Variants in IGSF22 observed in about 807,000 individuals in gnomAD.
IGSF22 encodes immunoglobulin superfamily, member 22.
IGSF22 carries 119 observed loss-of-function variants against 127.0 expected under a neutral mutation model. The ratio of observed to expected loss-of-function variants is 0.94; its 90% CI spans 0.81 to 1.09. The LOEUF is 1.09. Among genes scored for constraint, IGSF22 ranks in the 50% least tolerant of loss-of-function variants. The pLI, the probability that IGSF22 is intolerant of heterozygous loss-of-function variation, is 0.00. For synonymous variants in IGSF22, 568 were observed against 664.7 expected (o/e 0.85, Z 2.24); for missense variants, 1,518 against 1,716.6 (o/e 0.88, Z 2.04).
rs752180737 is a variant in IGSF22 at position 18,718,697 on chromosome 11, T to C, written c.728A>G (p.Lys243Arg). The C allele has an allele frequency of 3.7e-6, 6 of 1,613,092 alleles. No individual in the cohort carries two copies. Among genetic ancestry groups the C allele is most frequent in the East Asian group, 2.2e-5 (1 of 44,874 alleles). ...CACTGTGGTGTCAACCTTGGTCTCT[T>C]TGTCTTCCAGGGGCTTCAGAATCCG... The part of the protein sequence containing the change: ...AIRILKPLED[K>R]ETKVDTTVVF... Residue 243 changes from lysine (K) to arginine (R), a missense_variant, in exon 8 of 23, where the codon AAA (lysine) becomes AGA (arginine). Transcript: ENST00000513874.
Position 18,706,851 on chromosome 11 carries a change from C to G in IGSF22, c.3580+63G>C, listed in dbSNP as rs1590434140. ...TTGCCTCTTGGGTACCCTTTGGGAC[C>G]CTTATGTCATCCCCACCATCAGGGC... On this transcript the variant is annotated intron_variant, in intron 21 of 22. Coordinates refer to ENST00000513874, the MANE Select transcript of IGSF22 (RefSeq NM_173588.4). The G allele has an allele frequency of 2.3e-6, 3 of 1,321,980 alleles. No individual in the cohort carries two copies. In the East Asian group the frequency reaches 7.7e-5, roughly 34 times the overall value. The allele number at this position is 1,321,980 out of a possible 1,614,324, so 81.9% of individuals were successfully genotyped here.
chr11:18,724,100 A>T, intron 2 of IGSF22, 28 bp downstream of exon 2: 1 of 1,573,178 alleles, frequency 6.4e-7, no homozygotes, highest in South Asian at 1.1e-5. Flanking sequence ...GCCCTTCCCG[A>T]TCCCTTCCCT....
At position 18,721,782 on chromosome 11, in the gene IGSF22, G is replaced by A. The variant is rs1848578897; in HGVS notation, c.242-111C>T. The A allele has an allele frequency of 2.5e-6, 4 of 1,587,608 alleles. No homozygotes were observed. In the South Asian group the frequency reaches 4.5e-5, roughly 18 times the overall value. On this transcript the variant is annotated intron_variant, in intron 3 of 22. Coordinates refer to ENST00000513874, the MANE Select transcript of IGSF22 (RefSeq NM_173588.4). Reference sequence around the variant, plus strand: ...AGACACCTGGGCCTGGCCCCGGGCAGGGGAGGAACCCTCGGCCAGGCTCTG... The same window carrying A: ...AGACACCTGGGCCTGGCCCCGGGCAAGGGAGGAACCCTCGGCCAGGCTCTG...
rs370914729 is a variant in IGSF22, at chr11:18,721,724, C to T, written c.242-53G>A. The stretch of plus-strand genomic sequence containing the variant: ...CCTCTTAGCCACCAGGCTAGAGCCT[C>T]TGCCACCCTCTGCCGGCTCTCTGCC... On this transcript the variant is annotated intron_variant, in intron 3 of 22. Coordinates refer to ENST00000513874, the MANE Select transcript of IGSF22 (RefSeq NM_173588.4). 1.9e-4 allele frequency: 307 copies of T among 1,606,944 alleles called. 5 individuals are homozygous for T. The East Asian group carries it at 3.8e-3, about 20-fold the overall frequency.
chr11:18,706,246 G>A (rs1848228498), intron 21 of IGSF22, 100 bp from the exon 22 acceptor site: 2 of 1,149,034 alleles, frequency 1.7e-6, no homozygotes, highest in South Asian at 3.2e-5. Flanking sequence ...GAGGACCTAG[G>A]CCACATTCCC....
intron 7 of IGSF22, 91 bp downstream of exon 7, chr11:18,719,625 G>C (rs1590453401): frequency 7.7e-7 from 1 of 1,294,926 alleles, no homozygotes; most frequent in East Asian, 2.3e-5. Context: ...GAACTGGGGA[G>C]ACCTTCTTGC....
chr11:18,724,406 C>T lies in IGSF22; in HGVS notation c.-33-137G>A, dbSNP rs1848620311. ...CAGGAGAGCAGTCGAGCTCTCTTTT[C>T]TTCATTTCCTAGCTTCCTTTTCCTG... On this transcript the variant is annotated intron_variant, in intron 1 of 22. Coordinates refer to ENST00000513874, the MANE Select transcript of IGSF22 (RefSeq NM_173588.4). 6 of 527,846 alleles carry T rather than the reference C, an allele frequency of 1.1e-5. 1 individual carries two copies. The South Asian group carries it at 1.7e-4, about 15-fold the overall frequency. The allele number at this position is 527,846 out of a possible 1,614,324, so 32.7% of individuals were successfully genotyped here.
rs1848466371 is a variant in IGSF22 at position 18,716,564 on chromosome 11, G to T, written c.1246+164C>A. Among the ~76,000 whole-genome samples the T allele has an allele frequency of 2.0e-5, 3 of 152,106 alleles. No homozygotes were observed. In the South Asian group the frequency reaches 6.2e-4, roughly 32 times the overall value. On this transcript the variant is annotated intron_variant, in intron 10 of 22. Transcript: ENST00000513874. The surrounding 1 kb of genome is among the most constrained non-coding windows in gnomAD (Gnocchi z 4.5). ...ATTTTCATACCTGCCTCCCCTACTA[G>T]ACTAGGGGTTAACAGAGAGGAGATC...
chr11:18,710,925 C>G, intron 15 of IGSF22, 97 bp from the exon 16 acceptor site: 2 of 1,029,202 alleles, frequency 1.9e-6, no homozygotes, highest in Non-Finnish European at 2.9e-6. Flanking sequence ...TAAATAAACT[C>G]AAACCAGTGA....
Position 18,705,884 on chromosome 11 carries a change from G to A in IGSF22, c.3843C>T (p.Gly1281=). ...CGTTCTCCACCAGCACGCTGTAATC[G>A]CCGCTGTCCTTGAGCGTGCAGGTGG... ...VIPTCTLKDS[G]DYSVLVENEL... is the part of the protein sequence containing the mutation. The change falls in exon 22 of 23, where the codon GGC becomes GGT. Residue 1281 remains glycine (G), a synonymous_variant. Coordinates refer to ENST00000513874, the MANE Select transcript of IGSF22 (RefSeq NM_173588.4). 1 of 1,551,530 alleles carries A rather than the reference G, an allele frequency of 6.4e-7. No individual in the cohort carries two copies.
Position 18,707,835 on chromosome 11 carries a change from T to C in IGSF22, c.3249A>G (p.Glu1083=), listed in dbSNP as rs770824348. ...CGCGCACATGGATGTCATAGCGTGC[T>C]TCTCCAAACTCATTCTGAAGCAAGA... The part of the protein sequence containing the change: ...YRILLQNEFG[E]ARYDIHVRVA... The change falls in exon 20 of 23, where the codon GAA becomes GAG. Residue 1083 remains glutamate (E), a synonymous_variant. Transcript: ENST00000513874. 6.2e-7 allele frequency: 1 copy of C among 1,610,218 alleles called. No homozygotes were observed.
At chr11:18,717,171 A>G (rs10766496) in intron 9 of IGSF22, among the ~76,000 whole-genome samples, 171 bp from the exon 10 acceptor site, 115,887 of 152,122 alleles carry the variant, frequency 0.76, 44,310 homozygotes, top group East Asian at 0.82. Context: ...CTCCTATGAT[A>G]TTCATGTGGT....
chr11:18,709,334 G>C lies in IGSF22; in HGVS notation c.2998+53C>G. The C allele has an allele frequency of 6.4e-7, 1 of 1,553,538 alleles. No homozygotes were observed. The highest frequency in any genetic ancestry group is 1.2e-5 in the South Asian group (1 of 86,152). ...TGTGGGATGAGGCCCCAGAGGAGAA[G>C]GTTTGGAGGTACAATGTTGGGCATG... is the stretch of plus-strand genomic sequence containing the variant. On this transcript the variant is annotated intron_variant, in intron 18 of 22. Transcript: ENST00000513874. This position sits in a 1 kb window ranked among gnomAD's most constrained non-coding sequence, Gnocchi z 4.8.
At position 18,721,584 on chromosome 11, in the gene IGSF22, T is replaced by C. The variant is rs1402325038; in HGVS notation, c.329A>G (p.Glu110Gly). The change falls in exon 4 of 23, where the codon GAG becomes GGG. Residue 110 changes from glutamate (E) to glycine (G), a missense_variant. Physicochemically the swap from Glu to Gly is moderately conservative, Grantham distance 98. Coordinates refer to ENST00000513874, the MANE Select transcript of IGSF22 (RefSeq NM_173588.4). Reference sequence around the variant, plus strand: ...GCTGTCGTAGAATATCTTGGCGGACTCCTTGATGGGGATGCCGCTCTCCCT... The same window carrying C: ...GCTGTCGTAGAATATCTTGGCGGACCCCTTGATGGGGATGCCGCTCTCCCT... ...WKRESGIPIK[E>G]SAKIFYDSIN... The C allele has an allele frequency of 3.1e-6, 5 of 1,614,132 alleles. No individual in the cohort carries two copies. In the African/African-American group the frequency reaches 6.7e-5, roughly 22 times the overall value.
chr11:18,717,167 T>G (rs921525302), intron 9 of IGSF22, among the ~76,000 whole-genome samples, 167 bp from the exon 10 acceptor site: 2 of 152,214 alleles, frequency 1.3e-5, no homozygotes, highest in African/African-American at 4.8e-5. Context: ...TCCCCTCCTA[T>G]GATATTCATG....
chr11:18,721,055 T>C (rs1044953647), intron 4 of IGSF22, among the ~76,000 whole-genome samples: 2 of 152,150 alleles, frequency 1.3e-5, no homozygotes, highest in Admixed American at 1.3e-4. Flanking sequence ...CAGAAAGTGA[T>C]CCAGAAGCTG....
intron 2 of IGSF22, among the ~76,000 whole-genome samples, chr11:18,723,222 G>C (rs1848602087): frequency 6.6e-6 from 1 of 152,196 alleles, no homozygotes; most frequent in Admixed American, 6.5e-5. Context: ...TGATTGAATG[G>C]TCTGGGGTGA....
chr11:18,707,286 C>G (rs1197272072), intron 20 of IGSF22, 73 bp from the exon 21 acceptor site: 6 of 1,332,102 alleles, frequency 4.5e-6, no homozygotes, highest in Non-Finnish European at 6.0e-6. Flanking sequence ...AGCCATCTGC[C>G]AAGTCCGATG....
chr11:18,714,129 C>T lies in IGSF22; in HGVS notation c.1818G>A (p.Pro606=), dbSNP rs772029433. The T allele has an allele frequency of 1.4e-5, 22 of 1,612,532 alleles. No individual in the cohort carries two copies. Among genetic ancestry groups the T allele is most frequent in the Admixed American group, 1.0e-4 (6 of 59,956 alleles). The change falls in exon 14 of 23, where the codon CCG becomes CCA. Residue 606 remains proline (P), a synonymous_variant. Coordinates refer to ENST00000513874, the MANE Select transcript of IGSF22 (RefSeq NM_173588.4). The part of the protein sequence containing the change: ...VFIADPPTID[P]SVLEALAAHA... ...GCGCAGCCAGTGCCTCCAGTACTGA[C>T]GGGTCGATGGTAGGAGGATCTGTGG...
Sources: allele counts gnomAD v4.1 joint callset (sites outside exome capture counted in the v4.1 genomes callset), GRCh38; gene constraint gnomAD v4.1.1; non-coding constraint Gnocchi (gnomAD v3.1); transcripts MANE v1.5; gene names NCBI Gene and HGNC (gene_info 2026-07-23, HGNC 2026-07-21).